CBFA2T3: variants seen among roughly 807,000 people sequenced by gnomAD.
CBFA2T3 encodes transcriptional corepressor CBFA2T3.
Under a neutral mutation model 58.6 loss-of-function variants are expected in CBFA2T3, and 31 were observed. The observed-to-expected ratio is 0.53, with a 90% CI of 0.40 to 0.71. CBFA2T3 has a LOEUF of 0.71. Ranked by LOEUF, CBFA2T3 falls within the 30% of genes least tolerant of loss-of-function variation. The pLI is 0.00. For synonymous variants in CBFA2T3, 531 were observed against 421.9 expected, an observed-to-expected ratio of 1.26 and a Z score of -3.17; for missense variants, 1,076 against 963.1, an observed-to-expected ratio of 1.12 and a Z score of -1.55.
intron 8 of CBFA2T3, 59 bp downstream of exon 8, chr16:88,882,616 GT>G: frequency 9.4e-7 from 1 of 1,059,256 alleles, no homozygotes; most frequent in Admixed American, 2.0e-5. Context: ...GTGGCTGTGT[GT>G]GTGCGTGGCT....
intron 1 of CBFA2T3, among the ~76,000 whole-genome samples, chr16:88,973,942 G>A (rs1288291421): frequency 2.6e-5 from 4 of 151,756 alleles, no homozygotes; most frequent in African/African-American, 9.7e-5. Context: ...ACACCCGCCC[G>A]CCTTTGCCTG....
At chr16:88,924,012 T>C (rs1199758296) in intron 1 of CBFA2T3, among the ~76,000 whole-genome samples, 3 of 152,006 alleles carry the variant, frequency 2.0e-5, no homozygotes, top group South Asian at 2.1e-4. Flanking sequence ...GACCCAGCCA[T>C]GGTTACAGCA....
At chr16:88,930,607 C>T (rs1479378981) in intron 1 of CBFA2T3, among the ~76,000 whole-genome samples, 1 of 150,552 alleles carries the variant, frequency 6.6e-6, no homozygotes, top group Non-Finnish European at 1.5e-5. Context: ...GCCCCGTCAC[C>T]TTCATCCGCG....
intron 3 of CBFA2T3, among the ~76,000 whole-genome samples, chr16:88,895,269 T>A (rs986217852): frequency 6.6e-6 from 1 of 152,162 alleles, no homozygotes; most frequent in Non-Finnish European, 1.5e-5. Flanking sequence ...GTCCCTCCAG[T>A]AACCTTTAGG....
intron 11 of CBFA2T3, among the ~76,000 whole-genome samples, chr16:88,878,928 C>A (rs932717055): frequency 2.0e-5 from 3 of 152,190 alleles, no homozygotes; most frequent in Non-Finnish European, 4.4e-5. Context: ...TCACTTCAGT[C>A]TGGGCAACAA....
chr16:88,889,863 T>C (rs1396930295), intron 5 of CBFA2T3, among the ~76,000 whole-genome samples: 1 of 128,114 alleles, frequency 7.8e-6, no homozygotes, highest in Non-Finnish European at 1.6e-5. Flanking sequence ...CAGGGACACT[T>C]CAAATCCCTG....
intron 3 of CBFA2T3, among the ~76,000 whole-genome samples, chr16:88,896,704 C>T (rs1381039680): frequency 6.6e-6 from 1 of 152,204 alleles, no homozygotes; most frequent in African/African-American, 2.4e-5. Context: ...TTCTCCAGAA[C>T]ACGAGGGACT....
Position 88,898,351 on chromosome 16 carries a change from G to A in CBFA2T3, c.305-199C>T, listed in dbSNP as rs146161672. On this transcript the variant is annotated intron_variant, in intron 2 of 11. Coordinates refer to ENST00000268679, the MANE Select transcript of CBFA2T3 (RefSeq NM_005187.6). The stretch of plus-strand genomic sequence containing the variant: ...ATTTTTGATTTTCGGAGGGGCCTGG[G>A]CAGGAGACTCTGCCCTCAGGGACGC... 4.9e-3 allele frequency among the ~76,000 whole-genome samples: 740 copies of A among 152,212 alleles called. 5 individuals are homozygous for A. The highest frequency in any genetic ancestry group is 0.017 in the African/African-American group (709 of 41,536).
chr16:88,954,495 CCCAAGGCTCCTGACCTCAG>C lies in CBFA2T3; in HGVS notation c.151+22143_151+22161del, dbSNP rs1312157862. 9.0e-4 allele frequency among the ~76,000 whole-genome samples: 118 copies of C among 130,984 alleles called. 3 individuals are homozygous for C. Among genetic ancestry groups the C allele is most frequent in the African/African-American group, 3.8e-3 (113 of 29,558 alleles). The allele number at this position is 130,984 out of a possible 152,430, so 85.9% of individuals were successfully genotyped here. A position where few individuals can be genotyped will look rare whatever the true frequency, so the allele number is the denominator to read the frequency against. Reference sequence around the variant, plus strand: ...ACCCCAGCCAAGGCTCCTGACCCCGCCCAAGGCTCCTGACCTCAGCCAAGGCTCCTGACTCCACCCAAGG... The same window carrying C: ...ACCCCAGCCAAGGCTCCTGACCCCGCCCAAGGCTCCTGACTCCACCCAAGG... On this transcript the variant is annotated intron_variant, in intron 1 of 11. Coordinates refer to ENST00000268679, the MANE Select transcript of CBFA2T3 (RefSeq NM_005187.6).
In CBFA2T3 at chr16:88,893,947, C is replaced by CAGGGG. The variant is rs538945196; in HGVS notation, c.380-1467_380-1463dup. Among the ~76,000 whole-genome samples, 176 of 152,272 alleles carry CAGGGG rather than the reference C, an allele frequency of 1.2e-3. 1 individual carries two copies. The highest frequency in any genetic ancestry group is 3.9e-3 in the African/African-American group (163 of 41,558). On this transcript the variant is annotated intron_variant, in intron 3 of 11. Transcript: ENST00000268679. ...ACAGGGCTCCCAAGTCCCTTGCTGA[C>CAGGGG]AGGGGAGGGGGACTGGATGCCTCTG...
intron 1 of CBFA2T3, among the ~76,000 whole-genome samples, chr16:88,971,368 C>A (rs1173167681): frequency 6.6e-6 from 1 of 152,202 alleles, no homozygotes; most frequent in African/African-American, 2.4e-5. Flanking sequence ...CCTCGGCCTC[C>A]CAAAGTGCTA....
At chr16:88,950,131 T>A (rs971402382) in intron 1 of CBFA2T3, 2 of 455,008 alleles carry the variant, frequency 4.4e-6, no homozygotes, top group African/African-American at 4.0e-5. Flanking sequence ...CCTCTCTTTA[T>A]CTGGATCTGT....
At chr16:88,904,372 C>G (rs1357807943) in intron 1 of CBFA2T3, among the ~76,000 whole-genome samples, 1 of 152,000 alleles carries the variant, frequency 6.6e-6, no homozygotes, top group Admixed American at 6.5e-5. Flanking sequence ...CTAGGACGGA[C>G]CAGGCTCGGA....
In CBFA2T3 at chr16:88,910,763, C is replaced by T. The variant is rs535484244; in HGVS notation, c.152-9107G>A. Among the ~76,000 whole-genome samples, 627 of 152,316 alleles carry T rather than the reference C, an allele frequency of 4.1e-3. 2 individuals are homozygous for T. The highest frequency in any genetic ancestry group is 0.014 in the African/African-American group (599 of 41,552). On this transcript the variant is annotated intron_variant, in intron 1 of 11. Coordinates refer to ENST00000268679, the MANE Select transcript of CBFA2T3 (RefSeq NM_005187.6). ...TTTGACCAGCATCAGACCTGGGGCT[C>T]CCAGGCCAAGATAGAGGCAAAGTGA... is the stretch of plus-strand genomic sequence containing the variant.
At chr16:88,974,405 C>T (rs1972738805) in intron 1 of CBFA2T3, among the ~76,000 whole-genome samples, 1 of 152,088 alleles carries the variant, frequency 6.6e-6, no homozygotes, top group Non-Finnish European at 1.5e-5. Flanking sequence ...TCCCGGCCCC[C>T]AGACGGCGGC....
At chr16:88,895,129 C>T (rs920642037) in intron 3 of CBFA2T3, among the ~76,000 whole-genome samples, 3 of 152,194 alleles carry the variant, frequency 2.0e-5, no homozygotes, top group Admixed American at 6.5e-5. Flanking sequence ...GCTGGGGCTC[C>T]GGCTAGGCCA....
intron 1 of CBFA2T3, among the ~76,000 whole-genome samples, chr16:88,974,703 C>T (rs9922717): frequency 0.073 from 11,120 of 152,196 alleles, 523 homozygotes; most frequent in African/African-American, 0.13. Context: ...GGCCTGTGTG[C>T]CTGACAGCCA....
intron 1 of CBFA2T3, among the ~76,000 whole-genome samples, chr16:88,925,862 G>A (rs759765578): frequency 3.3e-5 from 5 of 152,226 alleles, no homozygotes; most frequent in Non-Finnish European, 7.3e-5. Context: ...GTGGCACTGC[G>A]GAGTCGGTGC....
chr16:88,961,289 G>A (rs1347797336), intron 1 of CBFA2T3, among the ~76,000 whole-genome samples: 1 of 152,160 alleles, frequency 6.6e-6, no homozygotes, highest in Non-Finnish European at 1.5e-5. Flanking sequence ...ACACAGCACT[G>A]GAGATTTCCA....
Sources: allele counts gnomAD v4.1 joint callset (sites outside exome capture counted in the v4.1 genomes callset), GRCh38; gene constraint gnomAD v4.1.1; transcripts MANE v1.5; gene names NCBI Gene and HGNC (gene_info 2026-07-23, HGNC 2026-07-21).